TRIM58: variants seen among roughly 807,000 people sequenced by gnomAD.
TRIM58 encodes the protein tripartite motif containing 58.
In TRIM58, 38 loss-of-function variants were observed where a neutral mutation model predicts 34.1. The ratio of observed to expected loss-of-function variants is 1.12; its 90% CI spans 0.86 to 1.46. TRIM58 has a LOEUF of 1.46. TRIM58 is among the 40% of genes most tolerant of loss of function. The pLI, the probability that TRIM58 is intolerant of heterozygous loss-of-function variation, is 0.00. For missense variants in TRIM58, 677 were observed against 642.0 expected (o/e 1.05, Z -0.59); for synonymous variants, 273 against 275.7 (o/e 0.99, Z 0.10).
rs1014822997 is a variant in TRIM58, at chr1:247,863,310, C to T, written c.517-1395C>T. On this transcript the variant is annotated intron_variant, in intron 2 of 5. Transcript: ENST00000366481. Reference sequence around the variant, plus strand: ...ATCCCAGCACTTTGGGAGGCCGATGCGGGCCGATCGTGAGGTCAGGAGTTT... The same window carrying T: ...ATCCCAGCACTTTGGGAGGCCGATGTGGGCCGATCGTGAGGTCAGGAGTTT... Among the ~76,000 whole-genome samples the T allele has an allele frequency of 6.6e-5, 10 of 152,194 alleles. No individual in the cohort carries two copies. The East Asian group carries it at 1.4e-3, about 21-fold the overall frequency.
chr1:247,869,147 G>C (rs1664001356), intron 5 of TRIM58, among the ~76,000 whole-genome samples: 1 of 152,194 alleles, frequency 6.6e-6, no homozygotes, highest in Admixed American at 6.5e-5. Flanking sequence ...TGATCTGCCT[G>C]CCTCGGCCTC....
intron 3 of TRIM58, 35 bp from the exon 4 acceptor site, chr1:247,867,810 G>A (rs1203801143): frequency 6.2e-7 from 1 of 1,614,148 alleles, no homozygotes. Context: ...GCAGTTCAGA[G>A]TCCAACTCAC....
At position 247,864,843 on chromosome 1, in the gene TRIM58, A is replaced by C; in HGVS notation, c.655A>C (p.Lys219Gln). The C allele has an allele frequency of 6.2e-7, 1 of 1,613,116 alleles. No homozygotes were observed. Among genetic ancestry groups the C allele is most frequent in the Non-Finnish European group, 8.5e-7 (1 of 1,179,884 alleles). Residue 219 changes from lysine to glutamine, a missense_variant, in exon 3 of 6, where the codon AAG (lysine) becomes CAG (glutamine). Transcript: ENST00000366481. ...RATLQRLRESKSRLVQQSKAL... is the reference protein window; with the variant it reads ...RATLQRLRESQSRLVQQSKAL... ...GACGCTGCAGAGACTGCGGGAGAGC[A>C]AGAGCCGGCTGGTCCAGCAGAGCAA... is the stretch of plus-strand genomic sequence containing the variant.
chr1:247,857,400 G>T lies in TRIM58; in HGVS notation c.154G>T (p.Gly52Cys). 6.6e-7 allele frequency: 1 copy of T among 1,522,962 alleles called. No individual in the cohort carries two copies. Among genetic ancestry groups the T allele is most frequent in the Non-Finnish European group, 8.8e-7 (1 of 1,134,434 alleles). The allele number at this position is 1,522,962 out of a possible 1,614,324, so 94.3% of individuals were successfully genotyped here. ...EFCEKSDGAQ[G>C]GVYACPQCRG... ...CTGCGAGAAGTCGGACGGCGCGCAG[G>T]GCGGCGTCTACGCCTGTCCGCAGTG... The change falls in exon 1 of 6, where the codon GGC becomes TGC. Residue 52 changes from glycine to cysteine, a missense_variant. Coordinates refer to ENST00000366481, the MANE Select transcript of TRIM58 (RefSeq NM_015431.4).
intron 5 of TRIM58, among the ~76,000 whole-genome samples, chr1:247,873,758 AG>A (rs1659202590): frequency 6.6e-6 from 1 of 152,138 alleles, no homozygotes; most frequent in Non-Finnish European, 1.5e-5. Context: ...GCTTGAACCC[AG>A]GAGTTCGAGA....
At chr1:247,873,730 G>A (rs1469043197) in intron 5 of TRIM58, among the ~76,000 whole-genome samples, 3 of 152,210 alleles carry the variant, frequency 2.0e-5, no homozygotes, top group Non-Finnish European at 4.4e-5. Flanking sequence ...CATTTTGGGA[G>A]GCTGAGGCGG....
chr1:247,865,048 C>G lies in TRIM58; in HGVS notation c.747+113C>G. 3 of 1,005,894 alleles carry G rather than the reference C, an allele frequency of 3.0e-6. No individual in the cohort carries two copies. In the South Asian group the frequency reaches 5.1e-5, roughly 17 times the overall value. 62.3% of individuals were successfully genotyped at this position (1,005,894 alleles called of 1,614,324 possible). On this transcript the variant is annotated intron_variant, in intron 3 of 5. Transcript: ENST00000366481. Reference sequence around the variant, plus strand: ...GTTTATGTTCTTTAGGAAAAGGGCACCCTCAAATTTACTCAGAAGGCAGCT... The same window carrying G: ...GTTTATGTTCTTTAGGAAAAGGGCAGCCTCAAATTTACTCAGAAGGCAGCT...
At position 247,867,690 on chromosome 1, in the gene TRIM58, C is replaced by CA. The variant is rs113791151; in HGVS notation, c.748-145dup. On this transcript the variant is annotated intron_variant, in intron 3 of 5. Transcript: ENST00000366481. ...GGGCAACAAGAACGAAACTCCATCT[C>CA]AAAAAAAAAATAGAAAAGAGATTTA... is the stretch of plus-strand genomic sequence containing the variant. Among the ~76,000 whole-genome samples, 419 of 147,364 alleles carry CA rather than the reference C, an allele frequency of 2.8e-3. 2 individuals carry two copies. Among genetic ancestry groups the CA allele is most frequent in the Admixed American group, 5.3e-3 (78 of 14,792 alleles).
intron 5 of TRIM58, among the ~76,000 whole-genome samples, chr1:247,870,150 A>G (rs1333292839): frequency 1.3e-5 from 2 of 152,178 alleles, no homozygotes; most frequent in African/African-American, 4.8e-5. Context: ...GTTAGAATAA[A>G]GCTTCTTACA....
intron 5 of TRIM58, among the ~76,000 whole-genome samples, chr1:247,874,343 G>A (rs1212332512): frequency 6.6e-6 from 1 of 152,072 alleles, no homozygotes; most frequent in Non-Finnish European, 1.5e-5. Context: ...TAAACGACCA[G>A]CTCTTGCATG....
chr1:247,869,152 G>A lies in TRIM58; in HGVS notation c.871+1089G>A, dbSNP rs556078240. ...TGACCTCAAATGATCTGCCTGCCTC[G>A]GCCTCCTAAAGTGCTGAGATGACAG... On this transcript the variant is annotated intron_variant, in intron 5 of 5. Coordinates refer to ENST00000366481, the MANE Select transcript of TRIM58 (RefSeq NM_015431.4). Among the ~76,000 whole-genome samples the A allele has an allele frequency of 8.5e-5, 13 of 152,258 alleles. 1 individual carries two copies. The highest frequency in any genetic ancestry group is 7.7e-4 in the East Asian group (4 of 5,192).
Position 247,857,506 on chromosome 1 carries a change from T to TGGGCGCGGGGCCCG in TRIM58, c.269_282dup (p.Arg95GlyfsTer14). The TGGGCGCGGGGCCCG allele has an allele frequency of 7.7e-7, 1 of 1,294,690 alleles. No individual in the cohort carries two copies. The highest frequency in any genetic ancestry group is 3.1e-5 in the East Asian group (1 of 32,050). 80.2% of individuals were successfully genotyped at this position (1,294,690 alleles called of 1,614,324 possible). A position where few individuals can be genotyped will look rare whatever the true frequency, so the allele number is the denominator to read the frequency against. The stretch of plus-strand genomic sequence containing the variant: ...GTGGAGAGCGTGCGGCGGCTGGGGT[T>TGGGCGCGGGGCCCG]GGGCGCGGGGCCCGGGGCGCGGCGA... On this transcript the variant is annotated frameshift_variant, in exon 1 of 6. Transcript: ENST00000366481. LOFTEE classifies it high-confidence loss of function.
chr1:247,871,707 G>T (rs1024570737), intron 5 of TRIM58, among the ~76,000 whole-genome samples: 3 of 152,132 alleles, frequency 2.0e-5, no homozygotes, highest in African/African-American at 7.2e-5. Context: ...CATTCAAAAT[G>T]TGTGATTAAT....
chr1:247,867,015 TTAATA>T (rs1663944827), intron 3 of TRIM58, among the ~76,000 whole-genome samples: 1 of 152,164 alleles, frequency 6.6e-6, no homozygotes, highest in African/African-American at 2.4e-5. Context: ...AATACAATTA[TTAATA>T]TAATAAATGT....
intron 3 of TRIM58, among the ~76,000 whole-genome samples, 168 bp from the exon 4 acceptor site, chr1:247,867,677 C>T (rs1022212566): frequency 4.0e-5 from 6 of 151,862 alleles, no homozygotes; most frequent in Admixed American, 6.6e-5. Context: ...GCAACAAGAA[C>T]GAAACTCCAT....
intron 2 of TRIM58, among the ~76,000 whole-genome samples, chr1:247,864,198 G>A (rs780825333): frequency 1.7e-4 from 26 of 152,072 alleles, no homozygotes; most frequent in African/African-American, 6.3e-4. Context: ...AGGCTGAAGT[G>A]CAGTGGTGCA....
chr1:247,870,941 CGCCCAGAAGAACGAGGA>C (rs1659104665), intron 5 of TRIM58, among the ~76,000 whole-genome samples: 1 of 81,632 alleles, frequency 1.2e-5, no homozygotes, highest in African/African-American at 6.1e-5. Flanking sequence ...TGCACCACCA[CGCCCAGAAGAACGAGGA>C]TTAGTATATT....
intron 1 of TRIM58, among the ~76,000 whole-genome samples, chr1:247,860,137 T>C (rs1175860678): frequency 6.6e-6 from 1 of 152,234 alleles, no homozygotes; most frequent in Non-Finnish European, 1.5e-5. Context: ...GAGCATACTT[T>C]TAGATAAATA....
intron 5 of TRIM58, among the ~76,000 whole-genome samples, chr1:247,868,869 T>C (rs1324195570): frequency 6.6e-6 from 1 of 152,174 alleles, no homozygotes; most frequent in Non-Finnish European, 1.5e-5. Context: ...AACCTCCGTG[T>C]GTTCAGTGAT....
Sources: gnomAD v4.1 joint callset for allele counts (sites outside exome capture counted in the v4.1 genomes callset) on GRCh38, gnomAD v4.1.1 for gene constraint, MANE v1.5 for transcripts, NCBI Gene and HGNC (gene_info 2026-07-23, HGNC 2026-07-21) for gene names.